DLGAP2: variants seen among roughly 807,000 people sequenced by gnomAD.
DLGAP2 encodes the protein DLG associated protein 2.
DLGAP2 carries 26 observed loss-of-function variants against 100.3 expected under a neutral mutation model. The observed-to-expected ratio is 0.26, with a 90% CI of 0.19 to 0.36. The LOEUF (loss-of-function observed/expected upper bound fraction) is 0.36, where lower values mean the gene tolerates loss of function less well. Among genes scored for constraint, DLGAP2 ranks in the 10% least tolerant of loss-of-function variants. The probability of loss-of-function intolerance (pLI) is 1.00; values close to 1 mark genes in which losing one functional copy is unlikely to be tolerated. For synonymous variants in DLGAP2, 886 were observed against 630.1 expected, an observed-to-expected ratio of 1.41 and a Z score of -6.08; for missense variants, 1,858 against 1,453.2, an observed-to-expected ratio of 1.28 and a Z score of -4.53.
intron 6 of DLGAP2, among the ~76,000 whole-genome samples, chr8:1,622,760 A>G (rs1452095586): frequency 2.0e-5 from 3 of 152,228 alleles, no homozygotes; most frequent in African/African-American, 7.2e-5. Context: ...ATATAGCAAA[A>G]TATGTTTCCA....
At chr8:960,576 A>G (rs1799702840) in intron 2 of DLGAP2, among the ~76,000 whole-genome samples, 1 of 152,148 alleles carries the variant, frequency 6.6e-6, no homozygotes, top group Admixed American at 6.5e-5. Flanking sequence ...CCTAATGATT[A>G]TTCTTTATCA....
intron 1 of DLGAP2, among the ~76,000 whole-genome samples, chr8:806,390 C>G (rs1186671805): frequency 6.6e-6 from 1 of 152,190 alleles, no homozygotes; most frequent in Non-Finnish European, 1.5e-5. Context: ...GTTTCTGGAT[C>G]TGTGAGTGGC....
intron 3 of DLGAP2, among the ~76,000 whole-genome samples, chr8:1,476,385 C>T (rs932085903): frequency 6.6e-6 from 1 of 151,976 alleles, no homozygotes; most frequent in Non-Finnish European, 1.5e-5. Context: ...AATCTATTCC[C>T]ATCGCGCCTG....
chr8:1,128,471 C>G (rs768991911), intron 2 of DLGAP2, among the ~76,000 whole-genome samples: 16 of 152,352 alleles, frequency 1.1e-4, no homozygotes, highest in Admixed American at 2.0e-4. Context: ...TGTACAGACC[C>G]TCGCCACTGT....
chr8:1,432,767 T>G (rs1797489372), intron 3 of DLGAP2, among the ~76,000 whole-genome samples: 1 of 152,152 alleles, frequency 6.6e-6, no homozygotes, highest in African/African-American at 2.4e-5. Context: ...AGCATGCAGG[T>G]TACGGGTGAT....
At chr8:1,521,231 T>A (rs1341473192) in intron 4 of DLGAP2, among the ~76,000 whole-genome samples, 1 of 74,192 alleles carries the variant, frequency 1.3e-5, no homozygotes, top group African/African-American at 4.4e-5. Flanking sequence ...ATGGGGCATC[T>A]CTGGTTTGCA....
chr8:1,649,345 C>G (rs1174682727), intron 8 of DLGAP2, among the ~76,000 whole-genome samples: 1 of 147,356 alleles, frequency 6.8e-6, no homozygotes, highest in Non-Finnish European at 1.5e-5. Context: ...TTCTTCAAAG[C>G]TACCAGAACA....
intron 12 of DLGAP2, among the ~76,000 whole-genome samples, chr8:1,683,972 A>ATGTGTGTG (rs1799043234): frequency 7.9e-6 from 1 of 127,170 alleles, no homozygotes; most frequent in Non-Finnish European, 1.6e-5. Context: ...ATATATATAT[A>ATGTGTGTG]TATATATATA....
intron 2 of DLGAP2, among the ~76,000 whole-genome samples, chr8:1,230,722 A>G (rs983650223): frequency 1.3e-5 from 2 of 152,220 alleles, no homozygotes; most frequent in African/African-American, 2.4e-5. Flanking sequence ...AAGTCATCTA[A>G]TCTTTGACAA....
chr8:1,422,091 A>G (rs1189723625), intron 3 of DLGAP2, among the ~76,000 whole-genome samples: 20 of 152,158 alleles, frequency 1.3e-4, no homozygotes, highest in Non-Finnish European at 2.1e-4. Context: ...TTGTTACTCC[A>G]TGGAATCTCA....
intron 2 of DLGAP2, among the ~76,000 whole-genome samples, chr8:1,242,585 G>T (rs11776579): frequency 3.3e-5 from 5 of 152,240 alleles, no homozygotes; most frequent in East Asian, 3.9e-4. Context: ...GCCCACCCTC[G>T]CCTGAGCCCT....
chr8:1,475,367 A>C (rs1488717376), intron 3 of DLGAP2, among the ~76,000 whole-genome samples: 1 of 152,190 alleles, frequency 6.6e-6, no homozygotes, highest in African/African-American at 2.4e-5. Flanking sequence ...TAACTCTAAC[A>C]GCATCTACTG....
intron 2 of DLGAP2, among the ~76,000 whole-genome samples, chr8:1,254,973 GT>G (rs1563043196): frequency 8.2e-6 from 1 of 121,294 alleles, no homozygotes; most frequent in African/African-American, 3.6e-5. Flanking sequence ...CTCTCATCCT[GT>G]CCGGGTGCTG....
chr8:1,247,153 C>G, intron 2 of DLGAP2: 1 of 170,614 alleles, frequency 5.9e-6, no homozygotes, highest in Non-Finnish European at 1.2e-5. Flanking sequence ...CCGGGAAGAC[C>G]TTTGAGATCA....
chr8:1,164,296 C>T (rs1179381289), intron 2 of DLGAP2, among the ~76,000 whole-genome samples: 1 of 109,822 alleles, frequency 9.1e-6, no homozygotes, highest in Admixed American at 9.1e-5. Context: ...GATTGTGAGC[C>T]CCCCAGGGTT....
chr8:1,342,433 C>G (rs145392788), intron 3 of DLGAP2, among the ~76,000 whole-genome samples: 1 of 152,278 alleles, frequency 6.6e-6, no homozygotes, highest in Non-Finnish European at 1.5e-5. Context: ...ATAGTGTTGA[C>G]CCACTCTGTT....
chr8:1,621,217 G>T (rs1280024993), intron 6 of DLGAP2: 1 of 152,312 alleles, frequency 6.6e-6, no homozygotes, highest in Non-Finnish European at 1.5e-5. Context: ...AACCTGCCCA[G>T]TCCTGGTTAT....
chr8:1,475,485 C>A (rs913810589), intron 3 of DLGAP2, among the ~76,000 whole-genome samples: 1 of 152,130 alleles, frequency 6.6e-6, no homozygotes, highest in Non-Finnish European at 1.5e-5. Flanking sequence ...CACTCCGCAC[C>A]CCAGCGTTTT....
At chr8:1,042,325 C>A (rs1802377496) in intron 2 of DLGAP2, among the ~76,000 whole-genome samples, 1 of 152,228 alleles carries the variant, frequency 6.6e-6, no homozygotes, top group South Asian at 2.1e-4. Context: ...CAACAACGTG[C>A]CTAGTACAGA....
Sources: gnomAD v4.1 joint callset for allele counts (sites outside exome capture counted in the v4.1 genomes callset) on GRCh38, gnomAD v4.1.1 for gene constraint, MANE v1.5 for transcripts, NCBI Gene and HGNC (gene_info 2026-07-23, HGNC 2026-07-21) for gene names.